FRMD5: variants seen among roughly 807,000 people sequenced by gnomAD.
The protein encoded by FRMD5 is FERM domain-containing protein 5.
A neutral mutation model predicts 69.0 loss-of-function variants in FRMD5; 20 were observed. The ratio of observed to expected loss-of-function variants is 0.29; its 90% CI spans 0.20 to 0.42. The LOEUF is 0.42. Ranked by LOEUF, FRMD5 falls within the 10% of genes least tolerant of loss-of-function variation. The probability of loss-of-function intolerance (pLI) is 1.00; values close to 1 mark genes in which losing one functional copy is unlikely to be tolerated. For missense variants in FRMD5, 595 were observed against 708.6 expected (o/e 0.84, Z 1.82); for synonymous variants, 271 against 260.1 (o/e 1.04, Z -0.40).
intron 1 of FRMD5, among the ~76,000 whole-genome samples, chr15:44,161,696 C>T (rs962381720): frequency 1.3e-5 from 2 of 152,174 alleles, no homozygotes; most frequent in Non-Finnish European, 2.9e-5. Flanking sequence ...TTCTCCCTCT[C>T]ACAGATATGC....
intron 1 of FRMD5, among the ~76,000 whole-genome samples, chr15:44,080,071 C>T (rs1318595898): frequency 1.3e-5 from 2 of 151,786 alleles, no homozygotes; most frequent in Non-Finnish European, 1.5e-5. Context: ...TGCCACTGTA[C>T]TTTATACCTA....
intron 1 of FRMD5, among the ~76,000 whole-genome samples, chr15:44,029,240 G>T (rs545945160): frequency 5.1e-4 from 78 of 152,170 alleles, no homozygotes; most frequent in African/African-American, 1.7e-3. Context: ...TTATGGAATG[G>T]CTCCTGCCAC....
At chr15:43,966,120 C>A (rs917904795) in intron 1 of FRMD5, among the ~76,000 whole-genome samples, 1 of 151,928 alleles carries the variant, frequency 6.6e-6, no homozygotes, top group African/African-American at 2.4e-5. Context: ...ACGCCTGTCA[C>A]CCCAGCACTT....
At position 43,873,361 on chromosome 15, in the gene FRMD5, A is replaced by AAAC. The variant is rs2088217208; in HGVS notation, c.*521_*523dup. On this transcript the variant is annotated 3_prime_UTR_variant, in exon 14 of 14. Coordinates refer to ENST00000417257, the MANE Select transcript of FRMD5 (RefSeq NM_032892.5). ...TGGCAAAAAAAACAAACAAAAAACT[A>AAAC]AACAGTCCCCATTGTCCAGATCCCT... 6.1e-6 allele frequency: 9 copies of AAAC among 1,465,648 alleles called. No homozygotes were observed. In the Admixed American group the frequency reaches 1.2e-4, roughly 20 times the overall value. 90.8% of individuals were successfully genotyped at this position (1,465,648 alleles called of 1,614,324 possible).
intron 1 of FRMD5, among the ~76,000 whole-genome samples, chr15:44,039,087 G>A (rs534059911): frequency 2.2e-4 from 34 of 152,298 alleles, no homozygotes; most frequent in African/African-American, 5.8e-4. Context: ...TGAACTGGGC[G>A]GAGCCCACCA....
chr15:44,126,617 T>C (rs1285022787), intron 1 of FRMD5, among the ~76,000 whole-genome samples: 2 of 152,166 alleles, frequency 1.3e-5, no homozygotes, highest in Non-Finnish European at 2.9e-5. Flanking sequence ...GAGTTTCACA[T>C]TCTTATTGCC....
chr15:43,955,618 A>G (rs1041584831), intron 1 of FRMD5, among the ~76,000 whole-genome samples: 1 of 128,328 alleles, frequency 7.8e-6, no homozygotes, highest in Non-Finnish European at 1.7e-5. Flanking sequence ...TGTGTAGATC[A>G]GCAAACCATC....
In FRMD5 at chr15:44,087,737, TATCATCATCATCATCATC is replaced by T. The variant is rs61525802; in HGVS notation, c.102+107198_102+107215del. On this transcript the variant is annotated intron_variant, in intron 1 of 13. Coordinates refer to ENST00000417257, the MANE Select transcript of FRMD5 (RefSeq NM_032892.5). Reference sequence around the variant, plus strand: ...AAAGTGCTCAGTAAATATCAGCTGCTATCATCATCATCATCATCATCATCATCATCATCATCATCATCA... The same window carrying T: ...AAAGTGCTCAGTAAATATCAGCTGCTATCATCATCATCATCATCATCATCA... Among the ~76,000 whole-genome samples the T allele has an allele frequency of 2.2e-3, 333 of 148,294 alleles. 1 individual carries two copies. The highest frequency in any genetic ancestry group is 6.1e-3 in the African/African-American group (244 of 40,174).
At chr15:43,907,569 G>C (rs2089202945) in intron 5 of FRMD5, among the ~76,000 whole-genome samples, 2 of 149,546 alleles carry the variant, frequency 1.3e-5, no homozygotes, top group African/African-American at 4.9e-5. Flanking sequence ...TCTGTCACCA[G>C]GCTGGAGTGC....
At chr15:44,025,532 C>A (rs1288480378) in intron 1 of FRMD5, among the ~76,000 whole-genome samples, 1 of 152,108 alleles carries the variant, frequency 6.6e-6, no homozygotes, top group Non-Finnish European at 1.5e-5. Context: ...CTGAGTAAGT[C>A]AACATCAGAA....
At chr15:44,031,609 C>A (rs1000431653) in intron 1 of FRMD5, among the ~76,000 whole-genome samples, 1 of 152,078 alleles carries the variant, frequency 6.6e-6, no homozygotes, top group Admixed American at 6.5e-5. Flanking sequence ...AACCACCTCC[C>A]GAAGGCCCCA....
intron 1 of FRMD5, among the ~76,000 whole-genome samples, chr15:44,092,298 A>G (rs909884227): frequency 2.0e-5 from 3 of 152,072 alleles, no homozygotes; most frequent in African/African-American, 7.2e-5. Flanking sequence ...TTCTCAGCCA[A>G]GCTACCATAT....
At chr15:44,180,499 T>C (rs1229072201) in intron 1 of FRMD5, among the ~76,000 whole-genome samples, 1 of 152,020 alleles carries the variant, frequency 6.6e-6, no homozygotes, top group East Asian at 1.9e-4. Flanking sequence ...AAAAAAAGAA[T>C]ACTGGCCAGG....
intron 4 of FRMD5, among the ~76,000 whole-genome samples, chr15:43,913,337 T>C (rs990908342): frequency 1.1e-4 from 16 of 152,170 alleles, no homozygotes; most frequent in Admixed American, 9.2e-4. Context: ...GATACACCAG[T>C]ATCCTAAAGA....
At chr15:44,074,051 A>C (rs1462995100) in intron 1 of FRMD5, among the ~76,000 whole-genome samples, 2 of 152,186 alleles carry the variant, frequency 1.3e-5, no homozygotes, top group African/African-American at 4.8e-5. Flanking sequence ...GCCCTATCCT[A>C]TATATCCATC....
At chr15:43,989,530 A>G in intron 1 of FRMD5, 1 of 901,526 alleles carries the variant, frequency 1.1e-6, no homozygotes. Context: ...CCAGGGTGAC[A>G]TAGCACAGCT....
chr15:43,880,414 G>C (rs1274597030), intron 13 of FRMD5, among the ~76,000 whole-genome samples: 1 of 152,156 alleles, frequency 6.6e-6, no homozygotes, highest in Non-Finnish European at 1.5e-5. Context: ...AGCAGTGCCT[G>C]TCAGGACCTT....
chr15:44,116,915 C>G (rs929279408), intron 1 of FRMD5, among the ~76,000 whole-genome samples: 3 of 149,730 alleles, frequency 2.0e-5, no homozygotes, highest in African/African-American at 7.4e-5. Flanking sequence ...AACCCTGTCT[C>G]TACTAAAAAT....
At chr15:44,050,244 G>A (rs1184794026) in intron 1 of FRMD5, among the ~76,000 whole-genome samples, 1 of 152,172 alleles carries the variant, frequency 6.6e-6, no homozygotes, top group African/African-American at 2.4e-5. Context: ...CAAAAAAAGA[G>A]AGTGGTTACA....
Sources: allele counts gnomAD v4.1 joint callset (sites outside exome capture counted in the v4.1 genomes callset), GRCh38; gene constraint gnomAD v4.1.1; transcripts MANE v1.5; gene names NCBI Gene and HGNC (gene_info 2026-07-23, HGNC 2026-07-21).